The following TNR variants were observed in gnomAD, a reference collection of about 807,000 sequenced individuals.
TNR encodes the protein tenascin-R.
In TNR, 45 loss-of-function variants were observed where a neutral mutation model predicts 150.4. The observed-to-expected ratio is 0.30, with a 90% CI of 0.24 to 0.38. The LOEUF (loss-of-function observed/expected upper bound fraction) is 0.38, where lower values mean the gene tolerates loss of function less well. Among genes scored for constraint, TNR ranks in the 10% least tolerant of loss-of-function variants. The pLI, the probability that TNR is intolerant of heterozygous loss-of-function variation, is 1.00. For synonymous variants in TNR, 687 were observed against 678.4 expected (o/e 1.01, Z -0.20); for missense variants, 1,544 against 1,759.1 (o/e 0.88, Z 2.19).
intron 12 of TNR, among the ~76,000 whole-genome samples, chr1:175,364,326 G>C (rs2102012848): frequency 7.3e-6 from 1 of 136,440 alleles, no homozygotes; most frequent in South Asian, 2.2e-4. Flanking sequence ...TATGCTATGG[G>C]CTTTTTTTTT....
intron 2 of TNR, among the ~76,000 whole-genome samples, chr1:175,514,562 G>C (rs1421485106): frequency 6.6e-6 from 1 of 152,230 alleles, no homozygotes; most frequent in East Asian, 1.9e-4. Context: ...GGGAACCATG[G>C]TTCCCAGGGA....
At chr1:175,385,146 C>A (rs1652860731) in intron 8 of TNR, among the ~76,000 whole-genome samples, 1 of 152,124 alleles carries the variant, frequency 6.6e-6, no homozygotes, top group Non-Finnish European at 1.5e-5. Flanking sequence ...GACATGTGAC[C>A]ACCCCAAGGC....
intron 2 of TNR, among the ~76,000 whole-genome samples, chr1:175,411,699 T>C (rs1023953749): frequency 4.6e-5 from 7 of 151,808 alleles, no homozygotes; most frequent in Admixed American, 2.6e-4. Context: ...AGTACAGCAG[T>C]CACAATGGAT....
intron 18 of TNR, among the ~76,000 whole-genome samples, chr1:175,347,605 T>C (rs1015603890): frequency 6.6e-6 from 1 of 152,084 alleles, no homozygotes; most frequent in African/African-American, 2.4e-5. Context: ...CTTATGTATT[T>C]TTAGTAGAGA....
At chr1:175,707,841 G>A (rs1285802071) in intron 1 of TNR, among the ~76,000 whole-genome samples, 3 of 152,022 alleles carry the variant, frequency 2.0e-5, no homozygotes, top group African/African-American at 4.8e-5. Flanking sequence ...AAATTAAGTC[G>A]TTCCTTTTGT....
chr1:175,330,144 G>A lies in TNR; in HGVS notation c.3723C>T (p.Tyr1241=), dbSNP rs907090769. ...TGCTGTCCTCGACAGAGAACCTGTC[G>A]TAGGAGGCGAAGGCGGCCTCTTGGC... ...RDGQEAAFAS[Y]DRFSVEDSRN... is the part of the protein sequence containing the mutation. Residue 1241 remains tyrosine (Y), a synonymous_variant, in exon 21 of 23, where the codon TAC becomes TAT. Coordinates refer to ENST00000367674, the MANE Select transcript of TNR (RefSeq NM_003285.3). 1.4e-5 allele frequency: 22 copies of A among 1,613,518 alleles called. No homozygotes were observed. The highest frequency in any genetic ancestry group is 1.1e-4 in the South Asian group (10 of 91,052).
At chr1:175,705,135 A>G (rs1353814818) in intron 1 of TNR, among the ~76,000 whole-genome samples, 2 of 151,616 alleles carry the variant, frequency 1.3e-5, no homozygotes, top group South Asian at 2.1e-4. Flanking sequence ...AGATATGACA[A>G]CTTCCCATAG....
intron 2 of TNR, among the ~76,000 whole-genome samples, chr1:175,415,371 A>C (rs1654394334): frequency 6.6e-6 from 1 of 152,134 alleles, no homozygotes; most frequent in Non-Finnish European, 1.5e-5. Flanking sequence ...ATTTCTGAAA[A>C]GAACCCGAGG....
chr1:175,661,535 C>T (rs912431589), intron 1 of TNR, among the ~76,000 whole-genome samples: 1 of 152,100 alleles, frequency 6.6e-6, no homozygotes, highest in Admixed American at 6.5e-5. Context: ...CTTCATCCTG[C>T]CTCACGTTGT....
intron 20 of TNR, among the ~76,000 whole-genome samples, chr1:175,331,066 T>TTTCTTTCC (rs1557867901): frequency 2.4e-4 from 24 of 99,948 alleles, no homozygotes; most frequent in African/African-American, 9.8e-4. Flanking sequence ...TCTTTCTTTC[T>TTTCTTTCC]TTCTTTCTTT....
intron 9 of TNR, among the ~76,000 whole-genome samples, chr1:175,377,181 C>A (rs1046825730): frequency 6.6e-6 from 1 of 152,116 alleles, no homozygotes; most frequent in South Asian, 2.1e-4. Flanking sequence ...ACCATACCCA[C>A]CTCATGAGGT....
chr1:175,363,399 G>A (rs1651688869), intron 13 of TNR, among the ~76,000 whole-genome samples: 1 of 152,218 alleles, frequency 6.6e-6, no homozygotes, highest in Non-Finnish European at 1.5e-5. Flanking sequence ...GAATATTCAT[G>A]TGACCCAAGC....
At chr1:175,558,391 C>T (rs959878069) in intron 1 of TNR, among the ~76,000 whole-genome samples, 2 of 152,164 alleles carry the variant, frequency 1.3e-5, no homozygotes, top group Admixed American at 6.6e-5. Flanking sequence ...GTATATGCTT[C>T]ATTGAAATTA....
chr1:175,540,844 A>AT (rs143624420), intron 1 of TNR, among the ~76,000 whole-genome samples: 8,418 of 151,640 alleles, frequency 0.056, 330 homozygotes, highest in African/African-American at 0.11. Context: ...CTCCTAGAGG[A>AT]TTTTTTCTAA....
At chr1:175,386,444 T>G in intron 7 of TNR, 143 bp from the exon 8 acceptor site, 1 of 926,836 alleles carries the variant, frequency 1.1e-6, no homozygotes. Flanking sequence ...ATGAGGAAAA[T>G]GAGACACAGT....
intron 2 of TNR, among the ~76,000 whole-genome samples, chr1:175,496,874 T>C (rs1439656710): frequency 6.6e-6 from 1 of 152,204 alleles, no homozygotes; most frequent in Non-Finnish European, 1.5e-5. Flanking sequence ...GGAGGTAGTA[T>C]CTGATGCTAA....
At chr1:175,423,483 G>A (rs1392284725) in intron 2 of TNR, among the ~76,000 whole-genome samples, 4 of 152,182 alleles carry the variant, frequency 2.6e-5, no homozygotes, top group Non-Finnish European at 5.9e-5. Flanking sequence ...CAGATGATCA[G>A]TGACTCCCAG....
chr1:175,459,350 C>T (rs1324481554), intron 2 of TNR, among the ~76,000 whole-genome samples: 2 of 152,204 alleles, frequency 1.3e-5, no homozygotes, highest in Non-Finnish European at 2.9e-5. Context: ...ATTACCACTG[C>T]CATCTCCACC....
chr1:175,539,959 G>A (rs1660439409), intron 1 of TNR, among the ~76,000 whole-genome samples: 1 of 152,104 alleles, frequency 6.6e-6, no homozygotes. Context: ...AAGGAGAGAG[G>A]AGAAATTGTA....
Sources: allele counts gnomAD v4.1 joint callset (sites outside exome capture counted in the v4.1 genomes callset), GRCh38; gene constraint gnomAD v4.1.1; transcripts MANE v1.5; gene names NCBI Gene and HGNC (gene_info 2026-07-23, HGNC 2026-07-21).